Variants in TYRP1 observed in about 807,000 individuals in gnomAD.
TYRP1 encodes the protein 5,6-dihydroxyindole-2-carboxylic acid oxidase.
A neutral mutation model predicts 42.8 loss-of-function variants in TYRP1; 49 were observed. The ratio of observed to expected loss-of-function variants is 1.14; its 90% CI spans 0.91 to 1.45. The LOEUF is 1.45. Ranked by LOEUF, TYRP1 falls within the 40% of genes most tolerant of loss-of-function variation. TYRP1 has a pLI of 0.00. For missense variants in TYRP1, 848 were observed against 662.0 expected, an observed-to-expected ratio of 1.28 and a Z score of -3.08; for synonymous variants, 279 against 235.4, an observed-to-expected ratio of 1.19 and a Z score of -1.69.
At chr9:12,704,759 G>T in intron 6 of TYRP1, 54 bp downstream of exon 6, 1 of 1,554,138 alleles carries the variant, frequency 6.4e-7, no homozygotes, top group Non-Finnish European at 8.9e-7. Flanking sequence ...TTGTTTAGAT[G>T]GCATAGTTAT....
In TYRP1 at chr9:12,694,225, C is replaced by T; in HGVS notation, c.229C>T (p.Pro77Ser). ...AVTADSRPHS[P>S]QYPHDGRDDR... ...GACTGCAGACTCCCGGCCCCACAGC[C>T]CTCAGTATCCCCATGATGGCAGAGA... Residue 77 changes from proline (P) to serine (S), a missense_variant, in exon 2 of 8, where the codon CCT (proline) becomes TCT (serine). Physicochemically the swap from Pro to Ser is moderately conservative, Grantham distance 74. Coordinates refer to ENST00000388918, the MANE Select transcript of TYRP1 (RefSeq NM_000550.3). The T allele has an allele frequency of 1.9e-6, 3 of 1,613,752 alleles. No homozygotes were observed. Among genetic ancestry groups the T allele is most frequent in the Non-Finnish European group, 1.7e-6 (2 of 1,179,902 alleles).
intron 4 of TYRP1, chr9:12,700,277 GTTTCCACC>G (rs1818144821): frequency 6.6e-6 from 1 of 151,834 alleles, no homozygotes; most frequent in African/African-American, 2.4e-5. Flanking sequence ...AGACCCACAC[GTTTCCACC>G]TTTAGATAAA....
intron 1 of TYRP1, 55 bp from the exon 2 acceptor site, chr9:12,693,857 C>A (rs1818032567): frequency 2.6e-6 from 3 of 1,157,000 alleles, no homozygotes; most frequent in Non-Finnish European, 3.7e-6. Context: ...GGGGGCATAC[C>A]ATTTTAAGTA....
chr9:12,705,247 T>G (rs1447471199), intron 6 of TYRP1, among the ~76,000 whole-genome samples: 1 of 152,058 alleles, frequency 6.6e-6, no homozygotes, highest in Non-Finnish European at 1.5e-5. Context: ...AAAATACTAT[T>G]TAAAAGGCCT....
intron 3 of TYRP1, among the ~76,000 whole-genome samples, chr9:12,697,832 A>C (rs1818101695): frequency 6.6e-6 from 1 of 152,152 alleles, no homozygotes; most frequent in African/African-American, 2.4e-5. Context: ...TATCAGTATA[A>C]ATTTAGGCAG....
Position 12,709,901 on chromosome 9 carries a change from T to TACC in TYRP1, c.*720_*722dup, listed in dbSNP as rs1288408491. 1 of 152,820 alleles carries TACC rather than the reference T, an allele frequency of 6.5e-6. No homozygotes were observed. Among genetic ancestry groups the TACC allele is most frequent in the Non-Finnish European group, 1.5e-5 (1 of 68,604 alleles). The allele number at this position is 152,820 out of a possible 1,614,324, so 9.5% of individuals were successfully genotyped here. A position where few individuals can be genotyped will look rare whatever the true frequency, so the allele number is the denominator to read the frequency against. ...CCTCTCAATTCGCTGAAAAAGGAACTACCTATCCTTACATTTCACCTACTA... is the reference window on the plus strand; with the variant it reads ...CCTCTCAATTCGCTGAAAAAGGAACTACCACCTATCCTTACATTTCACCTACTA... On this transcript the variant is annotated 3_prime_UTR_variant, in exon 8 of 8. Coordinates refer to ENST00000388918, the MANE Select transcript of TYRP1 (RefSeq NM_000550.3).
chr9:12,707,256 G>A (rs41314230), intron 6 of TYRP1, among the ~76,000 whole-genome samples: 16 of 152,082 alleles, frequency 1.1e-4, no homozygotes, highest in African/African-American at 3.4e-4. Context: ...GAGAAATGAA[G>A]TAATCACACG....
chr9:12,699,370 C>G (rs898501181), intron 4 of TYRP1, among the ~76,000 whole-genome samples: 2 of 152,020 alleles, frequency 1.3e-5, no homozygotes, highest in African/African-American at 4.8e-5. Context: ...GGTAGTAACA[C>G]AAGGTTTAAT....
In TYRP1 at chr9:12,704,598, A is replaced by G; in HGVS notation, c.1154A>G (p.Asn385Ser). Residue 385 changes from asparagine to serine, a missense_variant, in exon 6 of 8, where the codon AAT (asparagine) becomes AGT (serine). By Grantham distance (46) the Asn-to-Ser change is conservative (BLOSUM62 1). Transcript: ENST00000388918. ...CACAATTTGGCTCATCTATTCCTGA[A>G]TGGAACAGGGGGACAAACCCATTTG... ...SLHNLAHLFL[N>S]GTGGQTHLSP... 1 of 1,613,156 alleles carries G rather than the reference A, an allele frequency of 6.2e-7. No homozygotes were observed. Among genetic ancestry groups the G allele is most frequent in the Non-Finnish European group, 8.5e-7 (1 of 1,179,506 alleles).
chr9:12,700,687 T>G (rs2118241806), intron 4 of TYRP1: 1 of 152,192 alleles, frequency 6.6e-6, no homozygotes, highest in East Asian at 1.9e-4. Flanking sequence ...CTGTCAGCAT[T>G]TTCTACAATG....
chr9:12,709,026 T>TTTG lies in TYRP1; in HGVS notation c.1461_1463dup (p.Leu489dup), dbSNP rs1563858578. 6.2e-7 allele frequency: 1 copy of TTTG among 1,612,812 alleles called. No homozygotes were observed. Among genetic ancestry groups the TTTG allele is most frequent in the Admixed American group, 1.7e-5 (1 of 59,808 alleles). On this transcript the variant is annotated inframe_insertion, in exon 8 of 8. Transcript: ENST00000388918. Reference sequence around the variant, plus strand: ...TAATTGCCATAGCAGTAGTTGGCGCTTTGTTACTGGTTGCACTCATTTTTG... The same window carrying TTTG: ...TAATTGCCATAGCAGTAGTTGGCGCTTTGTTGTTACTGGTTGCACTCATTTTTG...
chr9:12,702,020 G>GTATC (rs1818176713), intron 4 of TYRP1, among the ~76,000 whole-genome samples: 2 of 151,882 alleles, frequency 1.3e-5, no homozygotes, highest in Admixed American at 6.6e-5. Context: ...ATCAACACCT[G>GTATC]TATCTGTTAG....
chr9:12,709,167 T>A lies in TYRP1; in HGVS notation c.1599T>A (p.Asn533Lys). ...AEEYEKLQNP[N>K]QSVV The stretch of plus-strand genomic sequence containing the variant: ...AATATGAAAAACTCCAGAATCCTAA[T>A]CAGTCTGTGGTCTAACAAATGCCCT... The change falls in exon 8 of 8, where the codon AAT (asparagine) becomes AAA (lysine). Residue 533 changes from asparagine (N) to lysine (K), a missense_variant. Coordinates refer to ENST00000388918, the MANE Select transcript of TYRP1 (RefSeq NM_000550.3). 6.2e-7 allele frequency: 1 copy of A among 1,612,448 alleles called. No homozygotes were observed.
intron 3 of TYRP1, among the ~76,000 whole-genome samples, chr9:12,698,041 G>GACTA (rs1818104868): frequency 6.6e-6 from 1 of 152,152 alleles, no homozygotes; most frequent in Non-Finnish European, 1.5e-5. Context: ...TCTGGCTCCA[G>GACTA]ACTAAGAGTT....
intron 4 of TYRP1, among the ~76,000 whole-genome samples, chr9:12,701,409 G>C (rs958822162): frequency 1.4e-4 from 22 of 151,978 alleles, no homozygotes; most frequent in Admixed American, 9.9e-4. Context: ...TCAATGCCAG[G>C]TACTGTGCCA....
chr9:12,702,463 T>C (rs1563855147), intron 5 of TYRP1, 25 bp downstream of exon 5: 1 of 1,608,090 alleles, frequency 6.2e-7, no homozygotes, highest in Non-Finnish European at 8.5e-7. Flanking sequence ...TCAGTATTTT[T>C]AAAAGATCTA....
At chr9:12,696,673 A>T (rs553342090) in intron 3 of TYRP1, among the ~76,000 whole-genome samples, 1 of 152,172 alleles carries the variant, frequency 6.6e-6, no homozygotes, top group East Asian at 1.9e-4. Flanking sequence ...CAAACATATT[A>T]AAGTATCTAG....
At chr9:12,695,476 A>G (rs1186369009) in intron 2 of TYRP1, 39 bp from the exon 3 acceptor site, 1 of 1,597,466 alleles carries the variant, frequency 6.3e-7, no homozygotes, top group South Asian at 1.1e-5. Context: ...CATCCCCGCA[A>G]GGCAGATGTT....
chr9:12,694,882 A>G (rs1384478964), intron 2 of TYRP1, among the ~76,000 whole-genome samples: 2 of 152,200 alleles, frequency 1.3e-5, no homozygotes, highest in Admixed American at 6.5e-5. Flanking sequence ...ACTAAATAGC[A>G]TTAAATAACA....
Sources: gnomAD v4.1 joint callset for allele counts (sites outside exome capture counted in the v4.1 genomes callset) on GRCh38, gnomAD v4.1.1 for gene constraint, MANE v1.5 for transcripts, NCBI Gene and HGNC (gene_info 2026-07-23, HGNC 2026-07-21) for gene names.